Variants in LPP observed in about 807,000 individuals in gnomAD.
LPP encodes lipoma-preferred partner.
Under a neutral mutation model 60.4 loss-of-function variants are expected in LPP, and 38 were observed. That is an observed-to-expected ratio of 0.63 (90% CI 0.49 to 0.83). The LOEUF is 0.83. Among genes scored for constraint, LPP ranks in the 40% least tolerant of loss-of-function variants. The pLI, the probability that LPP is intolerant of heterozygous loss-of-function variation, is 0.00. For synonymous variants in LPP, 328 were observed against 290.8 expected (o/e 1.13, Z -1.30); for missense variants, 902 against 783.6 (o/e 1.15, Z -1.80).
chr3:188,848,109 T>G (rs988493656), intron 9 of LPP, among the ~76,000 whole-genome samples: 1 of 152,222 alleles, frequency 6.6e-6, no homozygotes, highest in African/African-American at 2.4e-5. Context: ...TATCACAAAC[T>G]GTTATTCTCA....
Position 188,882,498 on chromosome 3 carries a change from A to G in LPP, c.*8019A>G, listed in dbSNP as rs1217806670. The G allele has an allele frequency of 1.3e-5, 3 of 226,570 alleles. No homozygotes were observed. Among genetic ancestry groups the G allele is most frequent in the Non-Finnish European group, 2.6e-5 (3 of 113,868 alleles). The allele number at this position is 226,570 out of a possible 1,614,324, so 14.0% of individuals were successfully genotyped here. ...TGCCAAAATATAACCCAGCATGCAC[A>G]GTATGGACAGGAAGCAGCCCTCCAT... On this transcript the variant is annotated 3_prime_UTR_variant, in exon 12 of 12. Transcript: ENST00000617246.
chr3:188,888,884 A>G lies in LPP; in HGVS notation c.*14405A>G, dbSNP rs1182781959. 4.5e-6 allele frequency: 1 copy of G among 220,090 alleles called. No homozygotes were observed. Among genetic ancestry groups the G allele is most frequent in the African/African-American group, 2.2e-5 (1 of 44,566 alleles). The allele number at this position is 220,090 out of a possible 1,614,324, so 13.6% of individuals were successfully genotyped here. The stretch of plus-strand genomic sequence containing the variant: ...TATTTATATCCTACTGGATGGTAGC[A>G]TATTGCTAAGGTTTCCTGTACTCTG... On this transcript the variant is annotated 3_prime_UTR_variant, in exon 12 of 12. Transcript: ENST00000617246.
At chr3:188,766,194 A>G (rs1734061182) in intron 9 of LPP, among the ~76,000 whole-genome samples, 1 of 151,742 alleles carries the variant, frequency 6.6e-6, no homozygotes, top group Non-Finnish European at 1.5e-5. Context: ...CTACGTGAAG[A>G]TCCTAAAAGC....
chr3:188,854,055 G>A (rs886269742), intron 9 of LPP, among the ~76,000 whole-genome samples: 13 of 152,092 alleles, frequency 8.5e-5, no homozygotes, highest in Non-Finnish European at 1.5e-4. Flanking sequence ...AGTTCACTGT[G>A]CTGAAATCCA....
At position 188,702,514 on chromosome 3, in the gene LPP, G is replaced by A. The variant is rs1228280311; in HGVS notation, c.1114-5753G>A. ...ATGTCTCTTTCTTCCCAAACTGTGAGTTGTTAGAGACAGGATCTCTGAATA... is the reference window on the plus strand; with the variant it reads ...ATGTCTCTTTCTTCCCAAACTGTGAATTGTTAGAGACAGGATCTCTGAATA... On this transcript the variant is annotated intron_variant, in intron 7 of 11. Transcript: ENST00000617246. Among the ~76,000 whole-genome samples, 6 of 152,040 alleles carry A rather than the reference G, an allele frequency of 3.9e-5. No individual in the cohort carries two copies. In the East Asian group the frequency reaches 5.8e-4, roughly 15 times the overall value.
At chr3:188,740,571 AACTT>A (rs1428720740) in intron 8 of LPP, among the ~76,000 whole-genome samples, 1 of 152,050 alleles carries the variant, frequency 6.6e-6, no homozygotes, top group African/African-American at 2.4e-5. Flanking sequence ...AGAACCTCAT[AACTT>A]ACTTTAAATA....
intron 7 of LPP, chr3:188,688,677 G>A (rs1361821962): frequency 1.0e-4 from 43 of 427,884 alleles, no homozygotes; most frequent in South Asian, 6.1e-4. Flanking sequence ...TTTATGAAGG[G>A]CAACATCTAA....
intron 4 of LPP, among the ~76,000 whole-genome samples, chr3:188,456,222 C>A (rs1797709227): frequency 6.6e-6 from 1 of 152,144 alleles, no homozygotes; most frequent in African/African-American, 2.4e-5. Context: ...AAACCCTGTA[C>A]TACGTATAAA....
intron 4 of LPP, among the ~76,000 whole-genome samples, chr3:188,442,496 G>A (rs1290162682): frequency 6.6e-6 from 1 of 152,168 alleles, no homozygotes; most frequent in Non-Finnish European, 1.5e-5. Flanking sequence ...CTGCTTTGGA[G>A]CATCTATATC....
intron 9 of LPP, among the ~76,000 whole-genome samples, chr3:188,784,289 A>G (rs1740836914): frequency 6.9e-6 from 1 of 144,668 alleles, no homozygotes; most frequent in South Asian, 2.2e-4. Flanking sequence ...ATTCCATCAT[A>G]TATATATATT....
intron 9 of LPP, among the ~76,000 whole-genome samples, chr3:188,788,101 T>C (rs1003151350): frequency 4.6e-5 from 7 of 152,218 alleles, no homozygotes; most frequent in African/African-American, 1.7e-4. Context: ...TCCCCTCTTA[T>C]CCACTTATTA....
chr3:188,300,237 CTA>C (rs979618540), intron 2 of LPP, among the ~76,000 whole-genome samples: 2 of 151,586 alleles, frequency 1.3e-5, no homozygotes, highest in Non-Finnish European at 2.9e-5. Flanking sequence ...TTGTGTATAT[CTA>C]TGTGTATTTT....
At chr3:188,771,549 C>CAAAAAAAAAAAAAAAA (rs66712771) in intron 9 of LPP, among the ~76,000 whole-genome samples, 4 of 108,934 alleles carry the variant, frequency 3.7e-5, no homozygotes, top group East Asian at 2.9e-4. Context: ...GACTCCATCT[C>CAAAAAAAAAAAAAAAA]AAAAAAAAAA....
At chr3:188,605,199 G>A (rs779208438) in intron 6 of LPP, among the ~76,000 whole-genome samples, 2 of 152,178 alleles carry the variant, frequency 1.3e-5, no homozygotes, top group Non-Finnish European at 2.9e-5. Context: ...TGGACATTGG[G>A]AGACCAGTTT....
At chr3:188,826,719 C>T (rs1410115849) in intron 9 of LPP, among the ~76,000 whole-genome samples, 3 of 152,090 alleles carry the variant, frequency 2.0e-5, no homozygotes, top group African/African-American at 7.2e-5. Flanking sequence ...AATACCTCTG[C>T]CTCAAAAACA....
chr3:188,176,384 G>T (rs1349031344), intron 1 of LPP, among the ~76,000 whole-genome samples: 1 of 152,060 alleles, frequency 6.6e-6, no homozygotes, highest in Non-Finnish European at 1.5e-5. Flanking sequence ...AAATAGAAAA[G>T]ATTTGCCTAG....
intron 9 of LPP, among the ~76,000 whole-genome samples, chr3:188,818,638 G>A (rs1249978303): frequency 6.6e-6 from 1 of 152,158 alleles, no homozygotes; most frequent in Non-Finnish European, 1.5e-5. Context: ...TTGGTAGGAT[G>A]GAAAGAGTTT....
intron 6 of LPP, among the ~76,000 whole-genome samples, chr3:188,530,524 C>T (rs11709799): frequency 0.47 from 70,626 of 151,870 alleles, 17,222 homozygotes; most frequent in East Asian, 0.92. Context: ...AACTCTTATT[C>T]TACAGATGGA....
intron 6 of LPP, among the ~76,000 whole-genome samples, chr3:188,606,768 C>T (rs1007114792): frequency 6.6e-6 from 1 of 151,992 alleles, no homozygotes; most frequent in South Asian, 2.1e-4. Context: ...AGATTTTTCT[C>T]GTCAATAATG....
Sources: allele counts gnomAD v4.1 joint callset (sites outside exome capture counted in the v4.1 genomes callset), GRCh38; gene constraint gnomAD v4.1.1; transcripts MANE v1.5; gene names NCBI Gene and HGNC (gene_info 2026-07-23, HGNC 2026-07-21).